Variants in SMAD6 observed in about 807,000 individuals in gnomAD.
The protein encoded by SMAD6 is MAD homolog 6.
Under a neutral mutation model 39.4 loss-of-function variants are expected in SMAD6, and 103 were observed. That is an observed-to-expected ratio of 2.62 (90% CI 2.23 to 3.08). The LOEUF is 3.08. SMAD6 is among the 30% of genes most tolerant of loss of function. The pLI is 0.00. For missense variants in SMAD6, 1,104 were observed against 742.9 expected (o/e 1.49, Z -5.65); for synonymous variants, 445 against 353.3 (o/e 1.26, Z -2.91).
At chr15:66,726,446 G>A (rs187207065) in intron 3 of SMAD6, among the ~76,000 whole-genome samples, 4 of 152,256 alleles carry the variant, frequency 2.6e-5, no homozygotes, top group African/African-American at 9.6e-5. Context: ...GGGGTTGGGG[G>A]GCTAGGTGAT....
In SMAD6 at chr15:66,718,111, CGTGTGTGTGTGTGTGT is replaced by C. The variant is rs57053370; in HGVS notation, c.952+1638_952+1653del. ...TCCCTATTGTTAATGATGGAAAGTC[CGTGTGTGTGTGTGTGT>C]GTGTGTGTGTGTGTGTGTGTGTGTC... is the stretch of plus-strand genomic sequence containing the variant. On this transcript the variant is annotated intron_variant, in intron 3 of 3. Transcript: ENST00000288840. 5.7e-3 allele frequency among the ~76,000 whole-genome samples: 786 copies of C among 137,264 alleles called. 9 individuals are homozygous for C. Among genetic ancestry groups the C allele is most frequent in the African/African-American group, 0.021 (745 of 35,038 alleles). 90.1% of individuals were successfully genotyped at this position (137,264 alleles called of 152,430 possible).
chr15:66,757,800 A>T (rs1432843562), intron 3 of SMAD6, among the ~76,000 whole-genome samples: 1 of 152,142 alleles, frequency 6.6e-6, no homozygotes, highest in African/African-American at 2.4e-5. Flanking sequence ...GCCGCGAAGG[A>T]AGTGCTGGCA....
chr15:66,719,778 G>A (rs1458509407), intron 3 of SMAD6, among the ~76,000 whole-genome samples: 1 of 152,212 alleles, frequency 6.6e-6, no homozygotes, highest in Non-Finnish European at 1.5e-5. Flanking sequence ...GAAAGGAGAC[G>A]CAGTTGCTTC....
intron 3 of SMAD6, among the ~76,000 whole-genome samples, chr15:66,738,959 A>C (rs1893764921): frequency 6.6e-6 from 1 of 151,818 alleles, no homozygotes; most frequent in South Asian, 2.1e-4. Flanking sequence ...TGCAAATGGG[A>C]CCCGGGTGTG....
chr15:66,724,093 A>G (rs1160914899), intron 3 of SMAD6, among the ~76,000 whole-genome samples: 4 of 152,242 alleles, frequency 2.6e-5, no homozygotes, highest in Admixed American at 6.5e-5. Context: ...GTTTGTGGCT[A>G]GAAAGTAAAT....
chr15:66,724,312 A>ATG lies in SMAD6; in HGVS notation c.952+7814_952+7815insTG, dbSNP rs56039385. ...AATGAATGAATGAATGAATGAATGA[A>ATG]AATGAATGAATGAATTTTTGCCTGG... On this transcript the variant is annotated intron_variant, in intron 3 of 3. Transcript: ENST00000288840. Among the ~76,000 whole-genome samples the ATG allele has an allele frequency of 2.5e-3, 365 of 144,322 alleles. 1 individual carries two copies. The highest frequency in any genetic ancestry group is 8.9e-3 in the African/African-American group (343 of 38,408). The allele number at this position is 144,322 out of a possible 152,430, so 94.7% of individuals were successfully genotyped here.
chr15:66,744,423 C>A (rs60181456), intron 3 of SMAD6, among the ~76,000 whole-genome samples: 4,322 of 152,246 alleles, frequency 0.028, 187 homozygotes, highest in African/African-American at 0.097. Context: ...GGACACCTGG[C>A]AAACACCTGG....
At chr15:66,731,351 T>C (rs1436248840) in intron 3 of SMAD6, among the ~76,000 whole-genome samples, 2 of 146,496 alleles carry the variant, frequency 1.4e-5, no homozygotes, top group African/African-American at 5.1e-5. Context: ...GGCAGGAGAA[T>C]GGCGTGAACC....
intron 3 of SMAD6, among the ~76,000 whole-genome samples, chr15:66,750,631 G>GA (rs1316716543): frequency 6.6e-6 from 1 of 151,938 alleles, no homozygotes; most frequent in African/African-American, 2.4e-5. Flanking sequence ...ATTGAGGCGG[G>GA]GGGTTGACCA....
chr15:66,734,453 T>A (rs1309621301), intron 3 of SMAD6, among the ~76,000 whole-genome samples: 1 of 151,940 alleles, frequency 6.6e-6, no homozygotes, highest in East Asian at 1.9e-4. Flanking sequence ...GGAGCGGAGG[T>A]CGAGGGAGGG....
intron 3 of SMAD6, among the ~76,000 whole-genome samples, chr15:66,775,680 G>A (rs1894455047): frequency 6.6e-6 from 1 of 152,230 alleles, no homozygotes; most frequent in Non-Finnish European, 1.5e-5. Context: ...GCCCTGAGCA[G>A]GGGGTAGTGA....
chr15:66,768,854 T>C (rs1894333599), intron 3 of SMAD6, among the ~76,000 whole-genome samples: 1 of 152,176 alleles, frequency 6.6e-6, no homozygotes, highest in Non-Finnish European at 1.5e-5. Flanking sequence ...TTAGGCGACA[T>C]AGTACCAGGT....
intron 3 of SMAD6, among the ~76,000 whole-genome samples, chr15:66,774,919 TG>T (rs1894440503): frequency 6.6e-6 from 1 of 152,100 alleles, no homozygotes; most frequent in African/African-American, 2.4e-5. Context: ...TGGAGTGCAG[TG>T]GTGCAATCTT....
At chr15:66,774,746 A>C (rs1390893529) in intron 3 of SMAD6, among the ~76,000 whole-genome samples, 2 of 152,214 alleles carry the variant, frequency 1.3e-5, no homozygotes, top group Non-Finnish European at 2.9e-5. Context: ...GTTCCAGTCA[A>C]GAAATAAGAT....
intron 3 of SMAD6, among the ~76,000 whole-genome samples, chr15:66,753,614 T>C (rs1894045956): frequency 6.6e-6 from 1 of 152,186 alleles, no homozygotes; most frequent in South Asian, 2.1e-4. Context: ...GGAGTGAGCC[T>C]TGTGGCTCCT....
chr15:66,750,490 C>T (rs1893984112), intron 3 of SMAD6, among the ~76,000 whole-genome samples: 1 of 152,194 alleles, frequency 6.6e-6, no homozygotes, highest in East Asian at 1.9e-4. Flanking sequence ...ACAAAGCAGA[C>T]CCAAGCCTTG....
chr15:66,733,453 T>A (rs1357298040), intron 3 of SMAD6, among the ~76,000 whole-genome samples: 1 of 152,194 alleles, frequency 6.6e-6, no homozygotes, highest in East Asian at 1.9e-4. Context: ...TATATTTAGG[T>A]CTTTGATTTT....
chr15:66,729,668 G>T (rs568612948), intron 3 of SMAD6, among the ~76,000 whole-genome samples: 7 of 152,208 alleles, frequency 4.6e-5, no homozygotes, highest in African/African-American at 1.7e-4. Context: ...GTGAGTTACC[G>T]TAAGGGATTT....
At chr15:66,717,942 A>G (rs970182262) in intron 3 of SMAD6, among the ~76,000 whole-genome samples, 1 of 152,172 alleles carries the variant, frequency 6.6e-6, no homozygotes, top group African/African-American at 2.4e-5. Flanking sequence ...CTGCACCTAC[A>G]TGAGTGAAAG....
Sources: gnomAD v4.1 joint callset for allele counts (sites outside exome capture counted in the v4.1 genomes callset) on GRCh38, gnomAD v4.1.1 for gene constraint, MANE v1.5 for transcripts, NCBI Gene and HGNC (gene_info 2026-07-23, HGNC 2026-07-21) for gene names.